The following ZBED6 variants were observed in gnomAD, a reference collection of about 807,000 sequenced individuals.
The protein encoded by ZBED6 is zinc finger BED-type containing 6.
A neutral mutation model predicts 58.4 loss-of-function variants in ZBED6; 40 were observed. The ratio of observed to expected loss-of-function variants is 0.68; its 90% confidence interval spans 0.53 to 0.89. The LOEUF is 0.89. ZBED6 is among the 40% of genes least tolerant of loss of function. The probability of loss-of-function intolerance (pLI) is 0.00; values close to 1 mark genes in which losing one functional copy is unlikely to be tolerated. For synonymous variants in ZBED6, 439 were observed against 350.6 expected (o/e 1.25, Z -2.82); for missense variants, 1,057 against 1,003.9 (o/e 1.05, Z -0.71).
intron 4 of ZBED6, 96 bp downstream of exon 4, chr1:203,828,518 T>C: frequency 7.1e-7 from 1 of 1,401,910 alleles, no homozygotes; most frequent in Non-Finnish European, 9.7e-7. Context: ...CTTTCAGTCT[T>C]GTGAAACAGC....
intron 13 of ZBED6, 149 bp from the exon 14 acceptor site, chr1:203,849,562 A>G (rs977585120): frequency 5.3e-6 from 4 of 757,140 alleles, no homozygotes; most frequent in South Asian, 5.2e-5. Flanking sequence ...TTAACAGGGT[A>G]TTGTCTATTT....
chr1:203,807,921 G>T (rs6593960), intron 1 of ZBED6, among the ~76,000 whole-genome samples: 149,121 of 152,070 alleles, frequency 0.98, 73,186 homozygotes, highest in East Asian at 1. Flanking sequence ...TTTTAATTTA[G>T]TGTAGAAACT....
chr1:203,835,807 G>A (rs552365708), intron 9 of ZBED6: 94 of 241,402 alleles, frequency 3.9e-4, no homozygotes, highest in Non-Finnish European at 6.3e-4. Context: ...GTTTCATCTG[G>A]GGCATAAACA....
chr1:203,805,557 T>C, intron 1 of ZBED6: 7 of 590,836 alleles, frequency 1.2e-5, no homozygotes, highest in South Asian at 9.8e-5. Flanking sequence ...ACGGTAAATT[T>C]GGAAAGATCA....
intron 15 of ZBED6, 34 bp from the exon 16 acceptor site, chr1:203,851,023 C>T: frequency 1.2e-6 from 2 of 1,609,172 alleles, no homozygotes; most frequent in Non-Finnish European, 1.7e-6. Context: ...AAAAGCCTGA[C>T]TCTCACTGAA....
intron 12 of ZBED6, among the ~76,000 whole-genome samples, chr1:203,847,916 C>T (rs1287537785): frequency 2.0e-5 from 3 of 152,152 alleles, no homozygotes; most frequent in Non-Finnish European, 2.9e-5. Context: ...AGTGCAGTGG[C>T]ATGACCTTGG....
chr1:203,837,936 A>G (rs781384094), intron 9 of ZBED6, 30 bp from the exon 10 acceptor site: 4 of 1,592,614 alleles, frequency 2.5e-6, no homozygotes, highest in African/African-American at 1.4e-5. Context: ...ATTGACTTGA[A>G]ATCTTAAACT....
chr1:203,826,157 C>A (rs1420097702), intron 3 of ZBED6, among the ~76,000 whole-genome samples: 1 of 152,122 alleles, frequency 6.6e-6, no homozygotes, highest in East Asian at 1.9e-4. Flanking sequence ...GTAGCTATTA[C>A]ATCTACCTTT....
intron 3 of ZBED6, among the ~76,000 whole-genome samples, chr1:203,823,773 A>G (rs1679562361): frequency 6.6e-6 from 1 of 152,224 alleles, no homozygotes. Context: ...AGAATTGCTT[A>G]TTGTAGCAAT....
chr1:203,798,797 C>T (rs904392801), exon 1 of ZBED6: 3 of 1,536,158 alleles, frequency 2.0e-6, no homozygotes, highest in Non-Finnish European at 2.6e-6. Flanking sequence ...TGCATCCTTA[C>T]AACTATTTCT....
At chr1:203,832,694 C>G (rs149754886) in intron 8 of ZBED6, among the ~76,000 whole-genome samples, 93 of 152,194 alleles carry the variant, frequency 6.1e-4, no homozygotes, top group Middle Eastern at 3.4e-3. Context: ...TAATTTTAAG[C>G]CTAATAAGGA....
Position 203,848,409 on chromosome 1 carries a change from T to C in ZBED6, c.*4322+2T>C. 6.2e-7 allele frequency: 1 copy of C among 1,603,700 alleles called. No homozygotes were observed. The highest frequency in any genetic ancestry group is 8.5e-7 in the Non-Finnish European group (1 of 1,175,776). ...AGTATTAGAACAGAAGCTAAAGAGG[T>C]AAATTTAAGATTATTGTATGGTTTT... On this transcript the variant is annotated splice_donor_variant, in intron 13 of 16. Coordinates refer to ENST00000550078, the Ensembl canonical transcript of ZBED6. LOFTEE classifies it low-confidence loss of function (3UTR_SPLICE).
chr1:203,835,027 A>G (rs1479503803), intron 9 of ZBED6, among the ~76,000 whole-genome samples: 1 of 152,216 alleles, frequency 6.6e-6, no homozygotes, highest in Non-Finnish European at 1.5e-5. Context: ...AACCTTATCT[A>G]TCTCTATTTT....
intron 1 of ZBED6, among the ~76,000 whole-genome samples, chr1:203,807,341 A>G (rs1229328570): frequency 6.6e-6 from 1 of 152,206 alleles, no homozygotes; most frequent in African/African-American, 2.4e-5. Context: ...GTTGGAATAC[A>G]GTGATGTGAT....
At chr1:203,836,645 A>G (rs12075358) in intron 9 of ZBED6, among the ~76,000 whole-genome samples, 1 of 152,306 alleles carries the variant, frequency 6.6e-6, no homozygotes, top group African/African-American at 2.4e-5. Flanking sequence ...GCATGGTGGC[A>G]TGCGCCTGTA....
exon 1 of ZBED6, chr1:203,797,949 C>T (rs1339516773): frequency 5.2e-6 from 8 of 1,535,904 alleles, no homozygotes; most frequent in Non-Finnish European, 6.1e-6. Flanking sequence ...TCATGTTGAC[C>T]CCCAGTACAC....
chr1:203,823,999 T>C (rs1679647292), intron 3 of ZBED6, among the ~76,000 whole-genome samples: 1 of 152,164 alleles, frequency 6.6e-6, no homozygotes, highest in South Asian at 2.1e-4. Flanking sequence ...CCGGGCGCCG[T>C]GGCTCATGCC....
intron 3 of ZBED6, among the ~76,000 whole-genome samples, chr1:203,827,719 C>T (rs1681033174): frequency 6.6e-6 from 1 of 151,534 alleles, no homozygotes; most frequent in South Asian, 2.1e-4. Context: ...GGGAAGGATA[C>T]CTAACATCCT....
exon 5 of ZBED6, chr1:203,829,529 C>T: frequency 6.2e-7 from 1 of 1,613,986 alleles, no homozygotes; most frequent in Non-Finnish European, 8.5e-7. Context: ...AACAAATTGT[C>T]TGTCCAGTCC....
Sources: gnomAD v4.1 joint callset for allele counts (sites outside exome capture counted in the v4.1 genomes callset) on GRCh38, gnomAD v4.1.1 for gene constraint, MANE v1.5 for transcripts, NCBI Gene and HGNC (gene_info 2026-07-23, HGNC 2026-07-21) for gene names.